The following LIN52 variants were observed in gnomAD, a reference collection of about 807,000 sequenced individuals.
The protein encoded by LIN52 is lin-52 DREAM MuvB core complex component.
LIN52 carries 4 observed loss-of-function variants against 18.5 expected under a neutral mutation model. The ratio of observed to expected loss-of-function variants is 0.22; its 90% CI spans 0.11 to 0.49. The LOEUF is 0.49. LIN52 is among the 20% of genes least tolerant of loss of function. The pLI is 0.97. For missense variants in LIN52, 102 were observed against 139.5 expected (o/e 0.73, Z 1.35); for synonymous variants, 34 against 45.5 (o/e 0.75, Z 1.02).
In LIN52 at chr14:74,090,018, C is replaced by CTTTT. The variant is rs34660535; in HGVS notation, c.20-1199_20-1196dup. Among the ~76,000 whole-genome samples the CTTTT allele has an allele frequency of 1.0e-4, 13 of 125,828 alleles. 1 individual carries two copies. The highest frequency in any genetic ancestry group is 3.3e-4 in the African/African-American group (11 of 33,062). 82.5% of individuals were successfully genotyped at this position (125,828 alleles called of 152,430 possible). ...AAGTGGGCATGTATAACAGTGCACT[C>CTTTT]TTTTTTTTTTTTTTTTTTGAGATGG... is the stretch of plus-strand genomic sequence containing the variant. On this transcript the variant is annotated intron_variant, in intron 1 of 5. Coordinates refer to ENST00000555028, the MANE Select transcript of LIN52 (RefSeq NM_001024674.3).
intron 5 of LIN52, among the ~76,000 whole-genome samples, chr14:74,111,691 A>C (rs1017703419): frequency 2.0e-5 from 3 of 151,226 alleles, no homozygotes; most frequent in African/African-American, 7.3e-5. Context: ...GGCTTCCCTT[A>C]TTAGGCCAAT....
rs35602442 is a variant in LIN52 at position 74,175,711 on chromosome 14, T to TACACACAC, written c.284-23178_284-23171dup. Among the ~76,000 whole-genome samples, 538 of 86,386 alleles carry TACACACAC rather than the reference T, an allele frequency of 6.2e-3. 4 individuals carry two copies. Among genetic ancestry groups the TACACACAC allele is most frequent in the Middle Eastern group, 0.029 (5 of 170 alleles). The allele number at this position is 86,386 out of a possible 152,430, so 56.7% of individuals were successfully genotyped here. On this transcript the variant is annotated intron_variant, in intron 5 of 5. Transcript: ENST00000555028. The stretch of plus-strand genomic sequence containing the variant: ...GATCCCATCTCTTAACACAGACACA[T>TACACACAC]ACACACACACACACACACACACACA...
intron 5 of LIN52, among the ~76,000 whole-genome samples, chr14:74,130,832 C>T (rs1433279056): frequency 5.3e-5 from 8 of 151,538 alleles, no homozygotes; most frequent in African/African-American, 1.9e-4. Context: ...GTGATCCACC[C>T]GCCTTGGCCT....
At chr14:74,106,149 T>C (rs2060896016) in intron 5 of LIN52, among the ~76,000 whole-genome samples, 1 of 152,240 alleles carries the variant, frequency 6.6e-6, no homozygotes, top group Non-Finnish European at 1.5e-5. Flanking sequence ...ATTCCATTTC[T>C]ATTATTTCCA....
At chr14:74,109,960 G>A (rs992998514) in intron 5 of LIN52, among the ~76,000 whole-genome samples, 8 of 151,810 alleles carry the variant, frequency 5.3e-5, no homozygotes, top group African/African-American at 1.7e-4. Context: ...TTTCCTAATT[G>A]TCCTGGCTAG....
chr14:74,140,928 G>A (rs996316783), intron 5 of LIN52, among the ~76,000 whole-genome samples: 4 of 152,172 alleles, frequency 2.6e-5, no homozygotes, highest in Non-Finnish European at 4.4e-5. Flanking sequence ...CGTTGTGTGC[G>A]TTTTTCTCTT....
intron 3 of LIN52, among the ~76,000 whole-genome samples, chr14:74,096,515 G>A (rs961348579): frequency 1.3e-5 from 2 of 151,572 alleles, no homozygotes; most frequent in Non-Finnish European, 2.9e-5. Context: ...TTTTTTTAAT[G>A]TGAAAAAAAT....
intron 5 of LIN52, among the ~76,000 whole-genome samples, chr14:74,182,251 G>C (rs906497742): frequency 2.6e-5 from 4 of 152,304 alleles, no homozygotes; most frequent in Middle Eastern, 3.4e-3. Flanking sequence ...AGCTCTAGCG[G>C]TCTGCCCGCC....
intron 5 of LIN52, among the ~76,000 whole-genome samples, chr14:74,172,197 T>C (rs74922512): frequency 1.1e-3 from 174 of 152,346 alleles, no homozygotes; most frequent in African/African-American, 4.0e-3. Flanking sequence ...TGTCATATTA[T>C]ATTATAATGG....
intron 5 of LIN52, among the ~76,000 whole-genome samples, chr14:74,198,523 A>G (rs1348472180): frequency 6.6e-6 from 1 of 152,244 alleles, no homozygotes; most frequent in Non-Finnish European, 1.5e-5. Context: ...ATAAATGTCC[A>G]GAGACCAGCA....
intron 5 of LIN52, among the ~76,000 whole-genome samples, chr14:74,175,458 C>A (rs919486851): frequency 6.6e-6 from 1 of 150,540 alleles, no homozygotes; most frequent in Non-Finnish European, 1.5e-5. Context: ...GGCTATGTAG[C>A]GAGGCCCCAG....
intron 4 of LIN52, 57 bp from the exon 5 acceptor site, chr14:74,101,098 G>T: frequency 7.1e-7 from 1 of 1,403,186 alleles, no homozygotes; most frequent in Non-Finnish European, 1.0e-6. Context: ...ACCCAAGGAA[G>T]TTGCTACTAG....
chr14:74,091,875 C>G (rs1249152177), intron 2 of LIN52, among the ~76,000 whole-genome samples: 1 of 150,616 alleles, frequency 6.6e-6, no homozygotes, highest in Non-Finnish European at 1.5e-5. Context: ...TATTTTATTT[C>G]AAAGAGAAGA....
intron 5 of LIN52, among the ~76,000 whole-genome samples, chr14:74,154,068 A>T (rs2061187892): frequency 6.6e-6 from 1 of 151,888 alleles, no homozygotes; most frequent in Non-Finnish European, 1.5e-5. Flanking sequence ...ATTACAGTTA[A>T]TGAACCAATA....
Position 74,199,101 on chromosome 14 carries a change from T to A in LIN52, c.*124T>A, listed in dbSNP as rs2139602081. The stretch of plus-strand genomic sequence containing the variant: ...AGAGGGTGTACCTCCAGGACTGCCC[T>A]CTCCCCTGCTCCTGGCACTCTACAC... On this transcript the variant is annotated 3_prime_UTR_variant, in exon 6 of 6. Transcript: ENST00000555028. 1.5e-6 allele frequency: 1 copy of A among 662,860 alleles called. No individual in the cohort carries two copies. The highest frequency in any genetic ancestry group is 2.6e-5 in the East Asian group (1 of 38,318). The allele number at this position is 662,860 out of a possible 1,614,324, so 41.1% of individuals were successfully genotyped here.
chr14:74,137,919 T>G (rs1456235142), intron 5 of LIN52, among the ~76,000 whole-genome samples: 1 of 152,238 alleles, frequency 6.6e-6, no homozygotes, highest in African/African-American at 2.4e-5. Flanking sequence ...ACAATAAGCC[T>G]GCTTTATCAA....
At chr14:74,195,829 G>C (rs2078909267) in intron 5 of LIN52, among the ~76,000 whole-genome samples, 1 of 152,202 alleles carries the variant, frequency 6.6e-6, no homozygotes, top group South Asian at 2.1e-4. Flanking sequence ...TCGCCCTGCA[G>C]CAGAGCAAGG....
chr14:74,172,902 T>C lies in LIN52; in HGVS notation c.284-26020T>C, dbSNP rs550705133. On this transcript the variant is annotated intron_variant, in intron 5 of 5. Transcript: ENST00000555028. ...AACTTGTTTAGTGAGTTTCTGAATA[T>C]TCTAATCTCTTCAAATTGTGAATGC... Among the ~76,000 whole-genome samples, 8 of 152,316 alleles carry C rather than the reference T, an allele frequency of 5.3e-5. No homozygotes were observed. In the South Asian group the frequency reaches 1.7e-3, roughly 32 times the overall value.
At chr14:74,116,699 A>G (rs1417749771) in intron 5 of LIN52, among the ~76,000 whole-genome samples, 8 of 151,536 alleles carry the variant, frequency 5.3e-5, no homozygotes, top group Non-Finnish European at 2.9e-5. Flanking sequence ...ACAGAGTAAG[A>G]CTATGTCTCT....
Sources: allele counts gnomAD v4.1 joint callset (sites outside exome capture counted in the v4.1 genomes callset), GRCh38; gene constraint gnomAD v4.1.1; transcripts MANE v1.5; gene names NCBI Gene and HGNC (gene_info 2026-07-23, HGNC 2026-07-21).